ABHD12: variants seen among roughly 807,000 people sequenced by gnomAD.
The protein encoded by ABHD12 is abhydrolase domain containing 12, lysophospholipase.
In ABHD12, 43 loss-of-function variants were observed where a neutral mutation model predicts 58.3. The ratio of observed to expected loss-of-function variants is 0.74; its 90% CI spans 0.58 to 0.95. The LOEUF is 0.95. Among genes scored for constraint, ABHD12 ranks in the 40% least tolerant of loss-of-function variants. The probability of loss-of-function intolerance (pLI) is 0.00; values close to 1 mark genes in which losing one functional copy is unlikely to be tolerated. For synonymous variants in ABHD12, 219 were observed against 211.2 expected, an observed-to-expected ratio of 1.04 and a Z score of -0.32; for missense variants, 539 against 537.2, an observed-to-expected ratio of 1.00 and a Z score of -0.03.
chr20:25,322,381 A>ATATTTTTT, intron 3 of ABHD12, among the ~76,000 whole-genome samples: 3 of 59,264 alleles, frequency 5.1e-5, no homozygotes, highest in Non-Finnish European at 9.6e-5. Flanking sequence ...ATATATATAT[A>ATATTTTTT]TTTTTTTTTT....
At chr20:25,373,163 C>A (rs1249219917) in intron 1 of ABHD12, among the ~76,000 whole-genome samples, 1 of 152,164 alleles carries the variant, frequency 6.6e-6, no homozygotes, top group Non-Finnish European at 1.5e-5. Flanking sequence ...AATGCACTTG[C>A]CTAACACCAC....
chr20:25,308,084 G>A, intron 8 of ABHD12, 39 bp from the exon 9 acceptor site: 2 of 1,383,058 alleles, frequency 1.4e-6, no homozygotes, highest in Non-Finnish European at 2.1e-6. Flanking sequence ...TAGGCAGGAA[G>A]CCAGCGACAT....
At chr20:25,298,266 T>A (rs538590572), downstream of ABHD12, among the ~76,000 whole-genome samples, 998 of 122,004 alleles carry the variant, frequency 8.2e-3, 9 homozygotes, top group African/African-American at 0.026. Flanking sequence ...AACGGCTAGT[T>A]TTGTTTTTTT....
chr20:25,361,699 T>C (rs1233332997), intron 1 of ABHD12, among the ~76,000 whole-genome samples: 1 of 152,202 alleles, frequency 6.6e-6, no homozygotes, highest in Non-Finnish European at 1.5e-5. Context: ...CTCACGCCTG[T>C]AATCCTAGCA....
At chr20:25,302,186 AC>A (rs752001929) in intron 12 of ABHD12, 32 bp downstream of exon 12, 5 of 1,611,998 alleles carry the variant, frequency 3.1e-6, no homozygotes, top group Non-Finnish European at 4.2e-6. Flanking sequence ...TGCTGCCCAG[AC>A]GAAGCCCCTG....
rs2088613413 is a variant in ABHD12 at position 25,300,389 on chromosome 20, G to A, written c.*456C>T. The A allele has an allele frequency of 3.6e-6, 4 of 1,124,364 alleles. No homozygotes were observed. In the South Asian group the frequency reaches 6.7e-5, roughly 19 times the overall value. The allele number at this position is 1,124,364 out of a possible 1,614,324, so 69.6% of individuals were successfully genotyped here. A position where few individuals can be genotyped will look rare whatever the true frequency, so the allele number is the denominator to read the frequency against. On this transcript the variant is annotated 3_prime_UTR_variant, in exon 13 of 13. Coordinates refer to ENST00000339157, the MANE Select transcript of ABHD12 (RefSeq NM_001042472.3). ...CAAGCAGGTACACAGGGCAGGAGGGGACGATGGAACCACTGGAGTCATTCT... is the reference window on the plus strand; with the variant it reads ...CAAGCAGGTACACAGGGCAGGAGGGAACGATGGAACCACTGGAGTCATTCT...
chr20:25,324,554 G>A (rs2089140330), intron 2 of ABHD12, among the ~76,000 whole-genome samples: 1 of 152,230 alleles, frequency 6.6e-6, no homozygotes, highest in Admixed American at 6.5e-5. Flanking sequence ...TCCCTCTGGT[G>A]GGTCCTGCCC....
chr20:25,374,254 C>T (rs1208180956), intron 1 of ABHD12, among the ~76,000 whole-genome samples: 1 of 152,054 alleles, frequency 6.6e-6, no homozygotes, highest in African/African-American at 2.4e-5. Context: ...GCCACCACAC[C>T]TGGCCTAGTA....
At chr20:25,298,417 C>T (rs1243235184), downstream of ABHD12, among the ~76,000 whole-genome samples, 1 of 152,096 alleles carries the variant, frequency 6.6e-6, no homozygotes, top group Non-Finnish European at 1.5e-5. Flanking sequence ...AGGCGCCCAC[C>T]ACCACACCCG....
chr20:25,323,913 C>T (rs990571097), intron 2 of ABHD12, among the ~76,000 whole-genome samples: 8 of 152,178 alleles, frequency 5.3e-5, no homozygotes, highest in African/African-American at 1.7e-4. Context: ...GACCTGATGA[C>T]CAACGGAACG....
At chr20:25,312,777 G>A (rs1351172968) in intron 6 of ABHD12, among the ~76,000 whole-genome samples, 5 of 149,266 alleles carry the variant, frequency 3.3e-5, no homozygotes, top group African/African-American at 5.0e-5. Context: ...TGTGGGGAGC[G>A]CCTCTGCCCC....
At chr20:25,361,284 C>G (rs913366806) in intron 1 of ABHD12, among the ~76,000 whole-genome samples, 1 of 152,366 alleles carries the variant, frequency 6.6e-6, no homozygotes, top group East Asian at 1.9e-4. Flanking sequence ...GAAAAAGGAA[C>G]AGTATCTTTT....
At chr20:25,329,952 G>A (rs1034273379) in intron 2 of ABHD12, among the ~76,000 whole-genome samples, 7 of 152,222 alleles carry the variant, frequency 4.6e-5, no homozygotes, top group East Asian at 1.9e-4. Flanking sequence ...ATTGTGTTGA[G>A]GGAGGAGCCA....
chr20:25,350,951 C>T (rs2089589783), intron 1 of ABHD12, among the ~76,000 whole-genome samples: 1 of 142,324 alleles, frequency 7.0e-6, no homozygotes, highest in Non-Finnish European at 1.5e-5. Flanking sequence ...TTCCATCCTA[C>T]GAATCCTTCA....
intron 5 of ABHD12, 113 bp downstream of exon 5, chr20:25,316,935 C>T: frequency 2.0e-6 from 2 of 1,008,426 alleles, no homozygotes; most frequent in Non-Finnish European, 3.1e-6. Context: ...GTCTCACACA[C>T]ACAAACAGCC....
intron 1 of ABHD12, among the ~76,000 whole-genome samples, chr20:25,358,616 G>A (rs1420572206): frequency 1.3e-5 from 2 of 152,204 alleles, no homozygotes; most frequent in African/African-American, 4.8e-5. Flanking sequence ...GTACCCAGAA[G>A]AGGCAACAAA....
intron 12 of ABHD12, chr20:25,295,051 T>C (rs376736421): frequency 2.5e-6 from 4 of 1,613,620 alleles, no homozygotes; most frequent in Non-Finnish European, 2.5e-6. Context: ...GGAAGTGCTT[T>C]TAAAATTGTG....
chr20:25,313,942 T>G (rs1249354284), intron 6 of ABHD12, among the ~76,000 whole-genome samples: 1 of 152,030 alleles, frequency 6.6e-6, no homozygotes, highest in Non-Finnish European at 1.5e-5. Flanking sequence ...GCAGAAATGC[T>G]GAGGTGCAGA....
intron 1 of ABHD12, among the ~76,000 whole-genome samples, chr20:25,341,389 T>C (rs2089452265): frequency 6.6e-6 from 1 of 152,216 alleles, no homozygotes; most frequent in African/African-American, 2.4e-5. Context: ...CAGTTTAAAA[T>C]GTCATCTTAA....
Sources: gnomAD v4.1 joint callset for allele counts (sites outside exome capture counted in the v4.1 genomes callset) on GRCh38, gnomAD v4.1.1 for gene constraint, MANE v1.5 for transcripts, NCBI Gene and HGNC (gene_info 2026-07-23, HGNC 2026-07-21) for gene names.